Variants in SRGAP1 observed in about 807,000 individuals in gnomAD.
SRGAP1 encodes the protein SLIT-ROBO Rho GTPase activating protein 1.
In SRGAP1, 43 loss-of-function variants were observed where a neutral mutation model predicts 121.9. The ratio of observed to expected loss-of-function variants is 0.35; its 90% CI spans 0.28 to 0.46. The LOEUF is 0.46. Ranked by LOEUF, SRGAP1 falls within the 20% of genes least tolerant of loss-of-function variation. The pLI is 1.00. For synonymous variants in SRGAP1, 447 were observed against 485.4 expected, an observed-to-expected ratio of 0.92 and a Z score of 1.04; for missense variants, 1,102 against 1,350.9, an observed-to-expected ratio of 0.82 and a Z score of 2.89.
At chr12:64,017,828 A>G (rs542965123) in intron 4 of SRGAP1, among the ~76,000 whole-genome samples, 4 of 152,092 alleles carry the variant, frequency 2.6e-5, no homozygotes, top group East Asian at 1.9e-4. Context: ...TGTGACTTAC[A>G]TATTATTTAG....
intron 1 of SRGAP1, among the ~76,000 whole-genome samples, chr12:63,952,690 G>A (rs1424734535): frequency 6.6e-6 from 1 of 152,174 alleles, no homozygotes; most frequent in Non-Finnish European, 1.5e-5. Flanking sequence ...TCATGGTACT[G>A]GGGATAAAAA....
rs549835368 is a variant in SRGAP1, at chr12:64,027,030, T to G, written c.489+10018T>G. Among the ~76,000 whole-genome samples, 149 of 152,152 alleles carry G rather than the reference T, an allele frequency of 9.8e-4. 1 individual carries two copies. The highest frequency in any genetic ancestry group is 3.4e-3 in the African/African-American group (142 of 41,480). On this transcript the variant is annotated intron_variant, in intron 4 of 21. Transcript: ENST00000355086. ...ATTCAGATTAGCAAGTAGGTTCTTA[T>G]GAGGTGTGTGCTGCCATGCTAGGAG...
At position 64,078,621 on chromosome 12, in the gene SRGAP1, G is replaced by A. The variant is rs10161392; in HGVS notation, c.1126-298G>A. 0.12 allele frequency among the ~76,000 whole-genome samples: 18,114 copies of A among 152,190 alleles called. 1,292 individuals are homozygous for A. The highest frequency in any genetic ancestry group is 0.31 in the South Asian group (1,512 of 4,818). ...ACTTATGGTCTGTGTATTTTTCTAT[G>A]TGTAGTTTGACTTCAATTGAAAATG... is the stretch of plus-strand genomic sequence containing the variant. On this transcript the variant is annotated intron_variant, in intron 8 of 21. Transcript: ENST00000355086.
At chr12:63,927,233 G>A (rs2031294194) in intron 1 of SRGAP1, among the ~76,000 whole-genome samples, 1 of 152,148 alleles carries the variant, frequency 6.6e-6, no homozygotes, top group Non-Finnish European at 1.5e-5. Flanking sequence ...CTATTCTACA[G>A]TTCTAGAACT....
chr12:63,936,799 T>G (rs2031677054), intron 1 of SRGAP1, among the ~76,000 whole-genome samples: 1 of 152,236 alleles, frequency 6.6e-6, no homozygotes, highest in Non-Finnish European at 1.5e-5. Context: ...ATATCCAAGA[T>G]TGACTTTGAT....
intron 1 of SRGAP1, among the ~76,000 whole-genome samples, chr12:63,851,211 A>G (rs1164826996): frequency 2.0e-5 from 3 of 152,212 alleles, no homozygotes; most frequent in Non-Finnish European, 2.9e-5. Flanking sequence ...TTGTCAGCTC[A>G]GAACTACTTT....
intron 10 of SRGAP1, chr12:64,081,878 T>C (rs1012168258): frequency 6.6e-6 from 1 of 151,668 alleles, no homozygotes; most frequent in Non-Finnish European, 1.5e-5. Context: ...CTTCCTGTAC[T>C]GCTCTTTTAA....
At chr12:63,969,749 G>T (rs1055398723) in intron 1 of SRGAP1, among the ~76,000 whole-genome samples, 3 of 151,610 alleles carry the variant, frequency 2.0e-5, no homozygotes, top group Admixed American at 2.0e-4. Flanking sequence ...AACCGAGATT[G>T]TGCCACTGCA....
chr12:63,961,548 GGCCCTCA>G (rs1462721259), intron 1 of SRGAP1, among the ~76,000 whole-genome samples: 1 of 152,138 alleles, frequency 6.6e-6, no homozygotes, highest in Non-Finnish European at 1.5e-5. Context: ...CCATTCCCTT[GGCCCTCA>G]GGACTCCTGA....
chr12:64,067,213 G>GAA (rs2035557194), intron 8 of SRGAP1, among the ~76,000 whole-genome samples: 2 of 152,102 alleles, frequency 1.3e-5, no homozygotes, highest in Non-Finnish European at 2.9e-5. Flanking sequence ...TGCCTTTTTA[G>GAA]GCATAATGTG....
chr12:63,962,460 T>G (rs1232315968), intron 1 of SRGAP1, among the ~76,000 whole-genome samples: 2 of 152,050 alleles, frequency 1.3e-5, no homozygotes, highest in South Asian at 2.1e-4. Flanking sequence ...CAGGCTGGAG[T>G]GTAGTGGTGC....
At chr12:63,973,138 G>A (rs543078337) in intron 1 of SRGAP1, among the ~76,000 whole-genome samples, 1 of 152,182 alleles carries the variant, frequency 6.6e-6, no homozygotes, top group African/African-American at 2.4e-5. Context: ...ACAGAGTGAG[G>A]CTCCGTCTCA....
intron 1 of SRGAP1, among the ~76,000 whole-genome samples, chr12:63,851,267 G>C (rs1248543725): frequency 6.6e-6 from 1 of 152,008 alleles, no homozygotes; most frequent in Non-Finnish European, 1.5e-5. Flanking sequence ...TGATATGTTA[G>C]ACTGGGAAGA....
intron 4 of SRGAP1, among the ~76,000 whole-genome samples, chr12:64,034,848 C>T (rs1338244489): frequency 4.6e-5 from 7 of 152,128 alleles, no homozygotes; most frequent in Admixed American, 1.3e-4. Flanking sequence ...TGCTACTACT[C>T]AAACTGAATT....
intron 6 of SRGAP1, among the ~76,000 whole-genome samples, chr12:64,061,610 A>C (rs1170003137): frequency 1.3e-5 from 2 of 152,294 alleles, no homozygotes; most frequent in East Asian, 3.9e-4. Flanking sequence ...GTATACTGAG[A>C]GTTGTATATC....
At chr12:63,978,192 A>G (rs747586018) in intron 1 of SRGAP1, among the ~76,000 whole-genome samples, 8 of 152,250 alleles carry the variant, frequency 5.3e-5, no homozygotes, top group South Asian at 2.1e-4. Context: ...TGATATAGCT[A>G]TCTTTCAATG....
chr12:63,889,039 A>C (rs2136294598), intron 1 of SRGAP1, among the ~76,000 whole-genome samples: 1 of 152,216 alleles, frequency 6.6e-6, no homozygotes, highest in South Asian at 2.1e-4. Flanking sequence ...CCACTTCTTG[A>C]GCTTTGTTTT....
At chr12:64,032,591 C>T in intron 4 of SRGAP1, 1 of 646,742 alleles carries the variant, frequency 1.5e-6, no homozygotes. Context: ...ATAAGTCCTG[C>T]CCCCGACAGC....
chr12:64,139,697 T>C (rs534179383), intron 21 of SRGAP1, among the ~76,000 whole-genome samples: 2,162 of 151,994 alleles, frequency 0.014, 43 homozygotes, highest in African/African-American at 0.049. Flanking sequence ...AGGTTGCCTG[T>C]TCACTCTGAT....
Sources: allele counts gnomAD v4.1 joint callset (sites outside exome capture counted in the v4.1 genomes callset), GRCh38; gene constraint gnomAD v4.1.1; transcripts MANE v1.5; gene names NCBI Gene and HGNC (gene_info 2026-07-23, HGNC 2026-07-21).